NLN: variants seen among roughly 807,000 people sequenced by gnomAD.
NLN encodes the protein neurolysin.
A neutral mutation model predicts 79.9 loss-of-function variants in NLN; 64 were observed. That is an observed-to-expected ratio of 0.80 (90% CI 0.65 to 0.99). NLN has a LOEUF of 0.99. NLN is among the 50% of genes least tolerant of loss of function. The pLI, the probability that NLN is intolerant of heterozygous loss-of-function variation, is 0.00. For missense variants in NLN, 835 were observed against 858.7 expected (o/e 0.97, Z 0.34); for synonymous variants, 267 against 296.6 (o/e 0.90, Z 1.02).
intron 6 of NLN, among the ~76,000 whole-genome samples, chr5:65,784,137 C>T (rs1311058732): frequency 6.6e-6 from 1 of 152,054 alleles, no homozygotes. Context: ...GGTAGTGTGA[C>T]CTCAGTGTGT....
At chr5:65,728,522 TATC>T (rs917871613) in intron 1 of NLN, among the ~76,000 whole-genome samples, 26 of 152,196 alleles carry the variant, frequency 1.7e-4, no homozygotes, top group African/African-American at 6.3e-4. Context: ...CTTTGGTACT[TATC>T]ATCTTATTCT....
intron 3 of NLN, among the ~76,000 whole-genome samples, chr5:65,765,491 C>T (rs180935935): frequency 6.6e-6 from 1 of 152,102 alleles, no homozygotes; most frequent in African/African-American, 2.4e-5. Flanking sequence ...GGGCTCCAGC[C>T]TGGGCAACAA....
chr5:65,773,521 TA>T (rs1177567212), intron 3 of NLN, among the ~76,000 whole-genome samples: 1 of 152,212 alleles, frequency 6.6e-6, no homozygotes, highest in African/African-American at 2.4e-5. Flanking sequence ...CTCCTTTGTA[TA>T]ATACAGAAAA....
intron 1 of NLN, among the ~76,000 whole-genome samples, chr5:65,744,285 ACCACAC>A (rs1000812326): frequency 4.6e-5 from 7 of 152,138 alleles, no homozygotes; most frequent in African/African-American, 1.7e-4. Flanking sequence ...GGCGTGAGCC[ACCACAC>A]CCGGCCTGCT....
rs1760920797 is a variant in NLN, at chr5:65,826,390, A to G, written c.*3475A>G. ...TCAATGTAGGGGATGGGGCACAAAC[A>G]TTCAGTCCATAACGAATACTGATTC... On this transcript the variant is annotated 3_prime_UTR_variant, in exon 13 of 13. Transcript: ENST00000380985. 1 of 152,150 alleles carries G rather than the reference A, an allele frequency of 6.6e-6. No homozygotes were observed. Among genetic ancestry groups the G allele is most frequent in the South Asian group, 2.1e-4 (1 of 4,828 alleles). 9.4% of individuals were successfully genotyped at this position (152,150 alleles called of 1,614,324 possible).
chr5:65,821,177 C>T (rs1032092687), intron 12 of NLN, among the ~76,000 whole-genome samples: 5 of 152,074 alleles, frequency 3.3e-5, no homozygotes, highest in African/African-American at 9.7e-5. Flanking sequence ...TTGGGAAGTT[C>T]GGTATCAGTG....
intron 3 of NLN, among the ~76,000 whole-genome samples, chr5:65,772,955 T>TG (rs1759601446): frequency 7.1e-5 from 2 of 28,298 alleles, no homozygotes; most frequent in African/African-American, 2.8e-4. Flanking sequence ...TCTTTTTTGT[T>TG]TTTTTTTTTT....
At position 65,823,001 on chromosome 5, in the gene NLN, G is replaced by C. The variant is rs530791110; in HGVS notation, c.*86G>C. 1 of 1,080,122 alleles carries C rather than the reference G, an allele frequency of 9.3e-7. No individual in the cohort carries two copies. The highest frequency in any genetic ancestry group is 2.3e-5 in the Admixed American group (1 of 42,710). The allele number at this position is 1,080,122 out of a possible 1,614,324, so 66.9% of individuals were successfully genotyped here. On this transcript the variant is annotated 3_prime_UTR_variant, in exon 13 of 13. Transcript: ENST00000380985. ...TGGCCTGGAAACTGAAGGGAGTTTT[G>C]CAAGTGAAAATTTAGATTTCTATTG...
chr5:65,777,459 G>A lies in NLN; in HGVS notation c.483G>A (p.Glu161=), dbSNP rs754692476. ...ETCDLGKIKP[E]ARRYLEKSIK... ...GTGATCTGGGGAAGATAAAACCTGA[G>A]GCCAGACGATACTTGGAAAAGTCAA... is the stretch of plus-strand genomic sequence containing the variant. Residue 161 remains glutamate (E), a synonymous_variant, in exon 4 of 13, where the codon GAG becomes GAA. Transcript: ENST00000380985. 4 of 1,613,290 alleles carry A rather than the reference G, an allele frequency of 2.5e-6. No homozygotes were observed. The South Asian group carries it at 4.4e-5, about 18-fold the overall frequency.
At chr5:65,724,561 CTGTT>C (rs771647699) in intron 1 of NLN, among the ~76,000 whole-genome samples, 6 of 152,124 alleles carry the variant, frequency 3.9e-5, no homozygotes, top group Non-Finnish European at 7.4e-5. Flanking sequence ...GTGCACATGT[CTGTT>C]TGAATCCCTG....
In NLN at chr5:65,733,913, T is replaced by G. The variant is rs991428680; in HGVS notation, c.41+11499T>G. On this transcript the variant is annotated intron_variant, in intron 1 of 12. Transcript: ENST00000380985. Reference sequence around the variant, plus strand: ...TTTGTATTTTTTTTTCTTTTTTTTTTTTGAGACGGAGTCTCGCTCTGTCAC... The same window carrying G: ...TTTGTATTTTTTTTTCTTTTTTTTTGTTGAGACGGAGTCTCGCTCTGTCAC... Among the ~76,000 whole-genome samples, 5 of 135,908 alleles carry G rather than the reference T, an allele frequency of 3.7e-5. 1 individual carries two copies. The highest frequency in any genetic ancestry group is 7.4e-3 in the Middle Eastern group (2 of 270). 89.2% of individuals were successfully genotyped at this position (135,908 alleles called of 152,430 possible).
intron 4 of NLN, among the ~76,000 whole-genome samples, chr5:65,779,671 C>T (rs930795377): frequency 5.3e-5 from 8 of 152,108 alleles, no homozygotes. Flanking sequence ...GTACTATGTG[C>T]AATATATTGT....
rs34968007 is a variant in NLN at position 65,772,953 on chromosome 5, GTT to G, written c.451-4461_451-4460del. ...AATTCAAAGTTCCTAATTCTTTTTT[GTT>G]TTTTTTTTTTTTAAATGAGCAGGGT... is the stretch of plus-strand genomic sequence containing the variant. On this transcript the variant is annotated intron_variant, in intron 3 of 12. Coordinates refer to ENST00000380985, the MANE Select transcript of NLN (RefSeq NM_020726.5). 3.9e-3 allele frequency among the ~76,000 whole-genome samples: 551 copies of G among 140,530 alleles called. 4 individuals carry two copies. Among genetic ancestry groups the G allele is most frequent in the African/African-American group, 0.012 (456 of 38,120 alleles). The allele number at this position is 140,530 out of a possible 152,430, so 92.2% of individuals were successfully genotyped here. A position where few individuals can be genotyped will look rare whatever the true frequency, so the allele number is the denominator to read the frequency against.
rs533096284 is a variant in NLN, at chr5:65,767,260, A to G, written c.450+4152A>G. 1.4e-4 allele frequency among the ~76,000 whole-genome samples: 22 copies of G among 152,130 alleles called. No homozygotes were observed. The East Asian group carries it at 3.1e-3, about 21-fold the overall frequency. On this transcript the variant is annotated intron_variant, in intron 3 of 12. Coordinates refer to ENST00000380985, the MANE Select transcript of NLN (RefSeq NM_020726.5). ...TCTGCCTGGATATCCAGGCATTTCC[A>G]TACATCCTCTGAAATCTAGGAGGTT...
intron 1 of NLN, among the ~76,000 whole-genome samples, chr5:65,746,231 C>T (rs1477049911): frequency 1.4e-4 from 21 of 151,926 alleles, no homozygotes; most frequent in Admixed American, 1.4e-3. Flanking sequence ...AAAACAAAAC[C>T]TAAAAAAAGA....
chr5:65,744,472 CTTTTT>C (rs199944194), intron 1 of NLN, among the ~76,000 whole-genome samples: 22 of 139,592 alleles, frequency 1.6e-4, no homozygotes, highest in Non-Finnish European at 6.2e-5. Flanking sequence ...TCTCTCTCCC[CTTTTT>C]TTTTTTTTTT....
intron 1 of NLN, among the ~76,000 whole-genome samples, chr5:65,724,985 T>C (rs1387261295): frequency 6.6e-6 from 1 of 151,866 alleles, no homozygotes. Context: ...TTTTTTATTT[T>C]TAGTAGAGAC....
intron 11 of NLN, among the ~76,000 whole-genome samples, chr5:65,811,000 G>C (rs952471326): frequency 3.9e-5 from 6 of 152,074 alleles, no homozygotes; most frequent in South Asian, 2.1e-4. Flanking sequence ...AGGGTATTTG[G>C]GGGGAGAAGC....
At chr5:65,811,215 C>T (rs1579969267) in intron 11 of NLN, among the ~76,000 whole-genome samples, 2 of 152,106 alleles carry the variant, frequency 1.3e-5, no homozygotes, top group African/African-American at 2.4e-5. Flanking sequence ...GAGTCAGCCA[C>T]ATTTATAGAG....
Sources: gnomAD v4.1 joint callset for allele counts (sites outside exome capture counted in the v4.1 genomes callset) on GRCh38, gnomAD v4.1.1 for gene constraint, MANE v1.5 for transcripts, NCBI Gene and HGNC (gene_info 2026-07-23, HGNC 2026-07-21) for gene names.